The following ABCA5 variants were observed in gnomAD, a reference collection of about 807,000 sequenced individuals.
The protein encoded by ABCA5 is ATP binding cassette subfamily A member 5.
ABCA5 carries 163 observed loss-of-function variants against 206.0 expected under a neutral mutation model. That is an observed-to-expected ratio of 0.79 (90% CI 0.70 to 0.90). ABCA5 has a LOEUF of 0.90. Among genes scored for constraint, ABCA5 ranks in the 40% least tolerant of loss-of-function variants. The pLI, the probability that ABCA5 is intolerant of heterozygous loss-of-function variation, is 0.00. For missense variants in ABCA5, 1,859 were observed against 1,912.9 expected, an observed-to-expected ratio of 0.97 and a Z score of 0.53; for synonymous variants, 609 against 613.8, an observed-to-expected ratio of 0.99 and a Z score of 0.11.
chr17:69,294,770 T>G, intron 10 of ABCA5, 57 bp from the exon 11 acceptor site: 2 of 1,116,616 alleles, frequency 1.8e-6, no homozygotes, highest in South Asian at 1.5e-5. Context: ...GTATGTGTGT[T>G]TATTTACCAT....
At chr17:69,285,634 A>C (rs1238906841) in intron 17 of ABCA5, among the ~76,000 whole-genome samples, 3 of 152,038 alleles carry the variant, frequency 2.0e-5, no homozygotes, top group Non-Finnish European at 4.4e-5. Context: ...CAAAGTAAAC[A>C]CAATTATTTT....
chr17:69,263,408 C>T (rs1027576058), intron 24 of ABCA5, among the ~76,000 whole-genome samples: 5 of 152,070 alleles, frequency 3.3e-5, no homozygotes, highest in South Asian at 4.1e-4. Flanking sequence ...TTTTTACATA[C>T]GGTGAAAGGT....
chr17:69,286,939 T>G (rs776116528), intron 15 of ABCA5, among the ~76,000 whole-genome samples: 2 of 152,182 alleles, frequency 1.3e-5, no homozygotes, highest in African/African-American at 4.8e-5. Flanking sequence ...GTCAGAGGCT[T>G]CTATCCTTAG....
At chr17:69,319,063 C>T (rs986955201) in intron 1 of ABCA5, 26 of 331,006 alleles carry the variant, frequency 7.9e-5, no homozygotes, top group Non-Finnish European at 1.7e-5. Context: ...ATATTAGACT[C>T]TGTTAAATAA....
intron 16 of ABCA5, 29 bp downstream of exon 16, chr17:69,286,192 A>G: frequency 6.3e-7 from 1 of 1,584,532 alleles, no homozygotes; most frequent in Non-Finnish European, 8.6e-7. Flanking sequence ...AGTATAATAT[A>G]GAATAATGTC....
Position 69,271,157 on chromosome 17 carries a change from C to G in ABCA5, c.2892+5G>C. 6.2e-7 allele frequency: 1 copy of G among 1,608,700 alleles called. No individual in the cohort carries two copies. The highest frequency in any genetic ancestry group is 8.5e-7 in the Non-Finnish European group (1 of 1,178,610). The stretch of plus-strand genomic sequence containing the variant: ...ATGGATATTCATTCACTGCATTCAT[C>G]TTACCTTTTCTGAATGCATCACATT... On this transcript the variant is annotated splice_donor_5th_base_variant and intron_variant, in intron 21 of 38. Coordinates refer to ENST00000392676, the MANE Select transcript of ABCA5 (RefSeq NM_172232.4).
chr17:69,256,121 A>G, intron 29 of ABCA5, 36 bp downstream of exon 29: 3 of 1,519,124 alleles, frequency 2.0e-6, no homozygotes, highest in Non-Finnish European at 2.6e-6. Context: ...TGATCATTTC[A>G]TATTTACTAT....
intron 9 of ABCA5, among the ~76,000 whole-genome samples, chr17:69,297,771 C>T (rs1442410356): frequency 2.0e-5 from 3 of 152,056 alleles, no homozygotes; most frequent in African/African-American, 7.2e-5. Context: ...TGAATGGGCA[C>T]CATCTTAAAT....
chr17:69,303,613 AAC>A (rs2075674785), intron 7 of ABCA5, among the ~76,000 whole-genome samples: 1 of 146,442 alleles, frequency 6.8e-6, no homozygotes, highest in Middle Eastern at 3.2e-3. Context: ...AGATAAAAAA[AAC>A]AGTTTAAAAA....
intron 28 of ABCA5, among the ~76,000 whole-genome samples, chr17:69,258,013 A>G (rs1212894465): frequency 6.6e-6 from 1 of 152,130 alleles, no homozygotes; most frequent in Non-Finnish European, 1.5e-5. Context: ...GTAGGAAGTA[A>G]GATAAGGTGA....
intron 27 of ABCA5, 56 bp from the exon 28 acceptor site, chr17:69,259,853 G>T: frequency 7.0e-6 from 8 of 1,147,918 alleles, no homozygotes; most frequent in South Asian, 3.2e-5. Flanking sequence ...TGTTGTTGTT[G>T]TTTTTTCCTT....
chr17:69,325,121 TAGAG>T (rs1270702569), intron 1 of ABCA5, among the ~76,000 whole-genome samples: 2 of 130,112 alleles, frequency 1.5e-5, no homozygotes, highest in Non-Finnish European at 3.1e-5. Context: ...CTGGGCAACA[TAGAG>T]AGACACTGTC....
intron 1 of ABCA5, among the ~76,000 whole-genome samples, chr17:69,321,147 T>C (rs1223796333): frequency 6.6e-6 from 1 of 151,998 alleles, no homozygotes; most frequent in Non-Finnish European, 1.5e-5. Context: ...GTGGGAAAAC[T>C]GGGATGAAGG....
chr17:69,247,409 G>A lies in ABCA5; in HGVS notation c.*128C>T, dbSNP rs933336347. 6.6e-6 allele frequency: 4 copies of A among 602,282 alleles called. No homozygotes were observed. Among genetic ancestry groups the A allele is most frequent in the Non-Finnish European group, 8.7e-6 (3 of 343,752 alleles). 37.3% of individuals were successfully genotyped at this position (602,282 alleles called of 1,614,324 possible). A position where few individuals can be genotyped will look rare whatever the true frequency, so the allele number is the denominator to read the frequency against. ...ACACAACCACAGCATTTCAATTAAG[G>A]AGCTTAGAAAAATTTCAAGTGCGTT... On this transcript the variant is annotated 3_prime_UTR_variant, in exon 39 of 39. Coordinates refer to ENST00000392676, the MANE Select transcript of ABCA5 (RefSeq NM_172232.4).
chr17:69,294,525 A>T (rs1567772376), intron 11 of ABCA5, 130 bp downstream of exon 11: 15 of 900,734 alleles, frequency 1.7e-5, no homozygotes, highest in East Asian at 2.6e-5. Context: ...CCATCTCAAA[A>T]AAAATAAAAT....
intron 17 of ABCA5, chr17:69,285,365 A>C (rs953584424): frequency 3.9e-5 from 6 of 152,290 alleles, no homozygotes; most frequent in African/African-American, 1.4e-4. Flanking sequence ...AAATGCTATG[A>C]AAATTCTGCA....
intron 22 of ABCA5, 141 bp downstream of exon 22, chr17:69,270,472 C>T: frequency 7.1e-6 from 5 of 708,654 alleles, no homozygotes; most frequent in Admixed American, 3.1e-5. Context: ...TAATGTAAAC[C>T]GTTTCTCACT....
intron 19 of ABCA5, among the ~76,000 whole-genome samples, chr17:69,274,839 C>CATTTTT: frequency 1.2e-5 from 1 of 85,752 alleles, no homozygotes; most frequent in South Asian, 4.4e-4. Flanking sequence ...TAACCATTTA[C>CATTTTT]TTTTTTTTTT....
At chr17:69,321,233 C>G (rs180696633) in intron 1 of ABCA5, among the ~76,000 whole-genome samples, 52 of 152,246 alleles carry the variant, frequency 3.4e-4, no homozygotes, top group African/African-American at 1.3e-3. Context: ...GAGATGGGAA[C>G]AACTCTTGTG....
Sources: allele counts gnomAD v4.1 joint callset (sites outside exome capture counted in the v4.1 genomes callset), GRCh38; gene constraint gnomAD v4.1.1; transcripts MANE v1.5; gene names NCBI Gene and HGNC (gene_info 2026-07-23, HGNC 2026-07-21).